The following SNCAIP variants were observed in gnomAD, a reference collection of about 807,000 sequenced individuals.
SNCAIP encodes synphilin-1.
In SNCAIP, 43 loss-of-function variants were observed where a neutral mutation model predicts 86.7. That is an observed-to-expected ratio of 0.50 (90% CI 0.39 to 0.64). SNCAIP has a LOEUF of 0.64. Ranked by LOEUF, SNCAIP falls within the 30% of genes least tolerant of loss-of-function variation. The pLI, the probability that SNCAIP is intolerant of heterozygous loss-of-function variation, is 0.00. For synonymous variants in SNCAIP, 417 were observed against 427.2 expected (o/e 0.98, Z 0.29); for missense variants, 981 against 1,103.1 (o/e 0.89, Z 1.57).
At chr5:122,356,846 G>A (rs923508498) in intron 1 of SNCAIP, among the ~76,000 whole-genome samples, 14 of 152,174 alleles carry the variant, frequency 9.2e-5, no homozygotes, top group Non-Finnish European at 1.3e-4. Context: ...GGCCTGGACC[G>A]ATGCACCACC....
intron 2 of SNCAIP, 26 bp from the exon 3 acceptor site, chr5:122,403,765 GCC>G (rs1457876630): frequency 1.3e-6 from 2 of 1,566,772 alleles, no homozygotes; most frequent in East Asian, 4.5e-5. Flanking sequence ...ATTATTTTAT[GCC>G]CTCTCTTCTC....
intron 9 of SNCAIP, among the ~76,000 whole-genome samples, chr5:122,450,224 G>A (rs1783420314): frequency 1.3e-5 from 2 of 152,074 alleles, no homozygotes; most frequent in South Asian, 4.2e-4. Context: ...GTGGGAATAG[G>A]AGATATATAT....
chr5:122,364,861 C>A (rs1489659500), intron 1 of SNCAIP, among the ~76,000 whole-genome samples: 1 of 152,182 alleles, frequency 6.6e-6, no homozygotes, highest in Non-Finnish European at 1.5e-5. Context: ...CCTTCTAGAT[C>A]TCTTTTTTCC....
intron 1 of SNCAIP, among the ~76,000 whole-genome samples, chr5:122,315,584 T>A (rs1751537844): frequency 6.6e-6 from 1 of 152,202 alleles, no homozygotes; most frequent in African/African-American, 2.4e-5. Flanking sequence ...GTCTAGCAGA[T>A]GTTTTCTGCT....
chr5:122,346,495 A>T lies in SNCAIP; in HGVS notation c.-47+34211A>T, dbSNP rs112231625. ...ATTCCAATGTTAGCAGTGAGGGAGT[A>T]GAGCTTGTCTCAAATAGCTGATGCT... On this transcript the variant is annotated intron_variant, in intron 1 of 10. Coordinates refer to ENST00000261368, the MANE Select transcript of SNCAIP (RefSeq NM_005460.4). Among the ~76,000 whole-genome samples, 100 of 152,282 alleles carry T rather than the reference A, an allele frequency of 6.6e-4. 3 individuals carry two copies. The highest frequency in any genetic ancestry group is 2.3e-3 in the African/African-American group (94 of 41,560).
chr5:122,450,637 T>A lies in SNCAIP; in HGVS notation c.1790T>A (p.Val597Asp), dbSNP rs1193983080. Reference sequence around the variant, plus strand: ...CCAGGAGTCCAAGAGGGGATTCAGGTTCTTGGAAGCCTGTCAGCCTCCAGC... The same window carrying A: ...CCAGGAGTCCAAGAGGGGATTCAGGATCTTGGAAGCCTGTCAGCCTCCAGC... ...SKPGVQEGIQVLGSLSASSRA... is the reference protein window; with the variant it reads ...SKPGVQEGIQDLGSLSASSRA... Residue 597 changes from valine to aspartate, a missense_variant, in exon 10 of 11, where the codon GTT becomes GAT. Physicochemically the swap from Val to Asp is radical, Grantham distance 152. Transcript: ENST00000261368. 1.9e-6 allele frequency: 3 copies of A among 1,613,690 alleles called. No individual in the cohort carries two copies. The highest frequency in any genetic ancestry group is 1.6e-4 in the Middle Eastern group (1 of 6,084).
intron 5 of SNCAIP, among the ~76,000 whole-genome samples, chr5:122,428,973 G>T (rs1777885691): frequency 6.6e-6 from 1 of 152,016 alleles, no homozygotes; most frequent in Non-Finnish European, 1.5e-5. Context: ...GAAATGCAAA[G>T]TTATGTCCTT....
chr5:122,364,041 G>C (rs1279017445), intron 1 of SNCAIP, among the ~76,000 whole-genome samples: 1 of 152,006 alleles, frequency 6.6e-6, no homozygotes, highest in Non-Finnish European at 1.5e-5. Flanking sequence ...ATGTTTCCCA[G>C]ACTGTCCATG....
chr5:122,431,778 C>T (rs527609905), intron 5 of SNCAIP, among the ~76,000 whole-genome samples, 191 bp from the exon 6 acceptor site: 2 of 152,098 alleles, frequency 1.3e-5, no homozygotes, highest in South Asian at 4.2e-4. Flanking sequence ...AAAAATTCTG[C>T]AATTGATTTC....
chr5:122,426,591 C>G (rs1777412185), intron 5 of SNCAIP, among the ~76,000 whole-genome samples: 2 of 152,122 alleles, frequency 1.3e-5, no homozygotes, highest in Non-Finnish European at 2.9e-5. Flanking sequence ...AGGTATACTT[C>G]AAATCTAGCA....
At chr5:122,342,043 G>A (rs756488959) in intron 1 of SNCAIP, among the ~76,000 whole-genome samples, 3 of 152,130 alleles carry the variant, frequency 2.0e-5, no homozygotes, top group Non-Finnish European at 4.4e-5. Flanking sequence ...TAACACTTCT[G>A]TGAATGATGA....
chr5:122,384,299 T>C (rs1417751683), intron 1 of SNCAIP, among the ~76,000 whole-genome samples: 1 of 152,154 alleles, frequency 6.6e-6, no homozygotes, highest in Non-Finnish European at 1.5e-5. Context: ...ATGAAAGATA[T>C]GATTGCAAAT....
intron 1 of SNCAIP, among the ~76,000 whole-genome samples, chr5:122,366,806 A>G (rs1763290691): frequency 6.6e-6 from 1 of 152,044 alleles, no homozygotes; most frequent in South Asian, 2.1e-4. Context: ...AAATTCTGAA[A>G]GGTTTTCAAC....
intron 1 of SNCAIP, among the ~76,000 whole-genome samples, chr5:122,330,492 T>C (rs1372974574): frequency 3.9e-5 from 6 of 152,212 alleles, no homozygotes. Flanking sequence ...TCACCTGGCT[T>C]TCATATCTTG....
At chr5:122,336,035 C>A (rs1037726573) in intron 1 of SNCAIP, among the ~76,000 whole-genome samples, 2 of 152,126 alleles carry the variant, frequency 1.3e-5, no homozygotes, top group Admixed American at 6.5e-5. Context: ...ATAATATCTG[C>A]ATTTTATTAT....
intron 2 of SNCAIP, among the ~76,000 whole-genome samples, chr5:122,398,399 G>A (rs1326716947): frequency 6.6e-6 from 1 of 152,050 alleles, no homozygotes; most frequent in Non-Finnish European, 1.5e-5. Context: ...TATAATGGAG[G>A]GCATGAAGTC....
chr5:122,383,316 G>A (rs549242805), intron 1 of SNCAIP, among the ~76,000 whole-genome samples: 6 of 152,256 alleles, frequency 3.9e-5, no homozygotes, highest in Non-Finnish European at 5.9e-5. Context: ...AGGTGCGTCC[G>A]TCACCCCTTT....
intron 2 of SNCAIP, among the ~76,000 whole-genome samples, 183 bp from the exon 3 acceptor site, chr5:122,403,610 A>C (rs568193769): frequency 6.6e-6 from 1 of 152,170 alleles, no homozygotes; most frequent in African/African-American, 2.4e-5. Context: ...TAGATGCTGC[A>C]GGTAGATCTT....
chr5:122,404,904 T>A (rs2152878214), intron 3 of SNCAIP, among the ~76,000 whole-genome samples: 1 of 152,346 alleles, frequency 6.6e-6, no homozygotes, highest in East Asian at 1.9e-4. Context: ...TTTGTGTGTG[T>A]GAGTGAAAGT....
Sources: allele counts gnomAD v4.1 joint callset (sites outside exome capture counted in the v4.1 genomes callset), GRCh38; gene constraint gnomAD v4.1.1; transcripts MANE v1.5; gene names NCBI Gene and HGNC (gene_info 2026-07-23, HGNC 2026-07-21).